The following PCDHA11 variants were observed in gnomAD, a reference collection of about 807,000 sequenced individuals.
PCDHA11 encodes the protein protocadherin alpha-11.
In PCDHA11, 61 loss-of-function variants were observed where a neutral mutation model predicts 70.3. That is an observed-to-expected ratio of 0.87 (90% CI 0.71 to 1.07). The LOEUF is 1.07. PCDHA11 is among the 50% of genes least tolerant of loss of function. The pLI is 0.00. For synonymous variants in PCDHA11, 633 were observed against 555.1 expected, an observed-to-expected ratio of 1.14 and a Z score of -1.97; for missense variants, 1,324 against 1,237.5, an observed-to-expected ratio of 1.07 and a Z score of -1.05.
intron 1 of PCDHA11, among the ~76,000 whole-genome samples, chr5:140,919,231 CT>C (rs2079047316): frequency 6.6e-6 from 1 of 152,160 alleles, no homozygotes; most frequent in African/African-American, 2.4e-5. Context: ...TCTAGTAACA[CT>C]TTTTGTCTTG....
chr5:140,925,612 G>A (rs895763627), intron 1 of PCDHA11, among the ~76,000 whole-genome samples: 2 of 150,356 alleles, frequency 1.3e-5, no homozygotes, highest in Non-Finnish European at 3.0e-5. Flanking sequence ...AAACCTGCAC[G>A]TTGTGCACAT....
At chr5:140,990,284 T>C (rs2097384646) in intron 3 of PCDHA11, among the ~76,000 whole-genome samples, 1 of 152,142 alleles carries the variant, frequency 6.6e-6, no homozygotes, top group African/African-American at 2.4e-5. Flanking sequence ...GGTCTTGAGA[T>C]TATCGATGCC....
intron 1 of PCDHA11, chr5:140,884,166 C>T: frequency 1.2e-6 from 2 of 1,613,430 alleles, no homozygotes; most frequent in Non-Finnish European, 1.7e-6. Context: ...GAGATCAGCA[C>T]GACGCGCCCT....
At chr5:140,893,150 A>T (rs1398784015) in intron 1 of PCDHA11, among the ~76,000 whole-genome samples, 2 of 152,066 alleles carry the variant, frequency 1.3e-5, no homozygotes, top group African/African-American at 4.8e-5. Flanking sequence ...TCATCTGTTG[A>T]TGGATATTGA....
chr5:140,948,349 T>C (rs1262551459), intron 1 of PCDHA11, among the ~76,000 whole-genome samples: 2 of 151,624 alleles, frequency 1.3e-5, no homozygotes, highest in African/African-American at 4.8e-5. Context: ...ATTTCTAACC[T>C]AATAAAATGA....
chr5:140,966,532 G>A (rs1418404048), intron 1 of PCDHA11: 7 of 447,876 alleles, frequency 1.6e-5, no homozygotes, highest in East Asian at 3.5e-5. Flanking sequence ...GAGCCGGGTT[G>A]AGCGACTCGG....
At chr5:140,877,656 C>G (rs782196097) in intron 1 of PCDHA11, 6 of 1,613,560 alleles carry the variant, frequency 3.7e-6, no homozygotes, top group Non-Finnish European at 5.1e-6. Flanking sequence ...CGCCGCCCAC[C>G]GTGAGCCGGT....
At chr5:140,996,597 C>G (rs183031992) in intron 3 of PCDHA11, among the ~76,000 whole-genome samples, 47 of 152,304 alleles carry the variant, frequency 3.1e-4, no homozygotes, top group African/African-American at 1.1e-3. Context: ...CGCCTCCCCC[C>G]ATTTTCATTT....
intron 1 of PCDHA11, among the ~76,000 whole-genome samples, chr5:140,872,551 C>T (rs574173970): frequency 6.6e-6 from 1 of 152,178 alleles, no homozygotes; most frequent in East Asian, 1.9e-4. Flanking sequence ...CCCCTGAACC[C>T]AGGGGTTCAG....
At chr5:140,991,808 G>A (rs367660702) in intron 3 of PCDHA11, among the ~76,000 whole-genome samples, 4 of 152,074 alleles carry the variant, frequency 2.6e-5, no homozygotes, top group East Asian at 1.9e-4. Flanking sequence ...GGCCACTTCC[G>A]CATTTTTAGG....
chr5:141,005,990 A>G (rs1375805001), intron 3 of PCDHA11, among the ~76,000 whole-genome samples: 6 of 151,998 alleles, frequency 3.9e-5, no homozygotes, highest in Admixed American at 3.9e-4. Flanking sequence ...GTGTTTGAGG[A>G]TCTGAAAGAA....
intron 1 of PCDHA11, among the ~76,000 whole-genome samples, chr5:140,906,546 G>A (rs1261080393): frequency 2.0e-5 from 3 of 152,222 alleles, no homozygotes; most frequent in Non-Finnish European, 4.4e-5. Context: ...CCTCATTTCT[G>A]CAACTGGTTG....
At chr5:140,960,436 G>C (rs2095548378) in intron 1 of PCDHA11, among the ~76,000 whole-genome samples, 1 of 152,180 alleles carries the variant, frequency 6.6e-6, no homozygotes. Context: ...TGATACTCTA[G>C]ATATATGTAT....
chr5:140,884,598 C>T (rs782317237), intron 1 of PCDHA11: 4 of 1,614,108 alleles, frequency 2.5e-6, no homozygotes. Flanking sequence ...CCCAGCCTTC[C>T]TCCTTGTCTG....
intron 1 of PCDHA11, among the ~76,000 whole-genome samples, chr5:140,891,658 C>T (rs1241439148): frequency 6.6e-6 from 1 of 151,928 alleles, no homozygotes; most frequent in Non-Finnish European, 1.5e-5. Context: ...GATAGTTCAC[C>T]CACCTTAAAG....
intron 1 of PCDHA11, chr5:140,883,843 C>G: frequency 6.2e-7 from 1 of 1,612,786 alleles, no homozygotes; most frequent in Non-Finnish European, 8.5e-7. Context: ...CGTTGGACCA[C>G]GAGGAGCTGG....
At position 140,869,733 on chromosome 5, in the gene PCDHA11, G is replaced by A. The variant is rs2051364392; in HGVS notation, c.630G>A (p.Leu210=). Residue 210 remains leucine, a synonymous_variant, in exon 1 of 4, where the codon TTG becomes TTA. Coordinates refer to ENST00000398640, the MANE Select transcript of PCDHA11 (RefSeq NM_018902.5). ...GAGAGAAAACTCCGGAACTTAATTT[G>A]CTGCTAACAGCTACAGACGGGGGAA... The part of the protein sequence containing the change: ...LDREKTPELN[L]LLTATDGGKP... The A allele has an allele frequency of 6.2e-7, 1 of 1,613,178 alleles. No homozygotes were observed. Among genetic ancestry groups the A allele is most frequent in the Non-Finnish European group, 8.5e-7 (1 of 1,179,822 alleles).
At chr5:141,001,216 G>T (rs938133871) in intron 3 of PCDHA11, among the ~76,000 whole-genome samples, 1 of 152,082 alleles carries the variant, frequency 6.6e-6, no homozygotes, top group Non-Finnish European at 1.5e-5. Context: ...GCTGTATAAG[G>T]ATAGTTACAT....
chr5:140,928,973 T>G (rs782178426), intron 1 of PCDHA11: 3 of 1,613,958 alleles, frequency 1.9e-6, no homozygotes, highest in Non-Finnish European at 2.5e-6. Flanking sequence ...ATTTCCTTTT[T>G]ATTTCTGGGG....
Sources: allele counts gnomAD v4.1 joint callset (sites outside exome capture counted in the v4.1 genomes callset), GRCh38; gene constraint gnomAD v4.1.1; transcripts MANE v1.5; gene names NCBI Gene and HGNC (gene_info 2026-07-23, HGNC 2026-07-21).